Variants in ZFPL1 observed in about 807,000 individuals in gnomAD.
ZFPL1 encodes the protein zinc finger protein-like 1.
ZFPL1 carries 28 observed loss-of-function variants against 32.0 expected under a neutral mutation model. The ratio of observed to expected loss-of-function variants is 0.87; its 90% CI spans 0.65 to 1.20. ZFPL1 has a LOEUF of 1.20. Among genes scored for constraint, ZFPL1 ranks in the 50% most tolerant of loss-of-function variants. ZFPL1 has a pLI of 0.00. For missense variants in ZFPL1, 386 were observed against 424.8 expected (o/e 0.91, Z 0.80); for synonymous variants, 165 against 177.0 (o/e 0.93, Z 0.54).
chr11:65,084,292 A>C lies in ZFPL1; in HGVS notation c.-95A>C, dbSNP rs1361299690. Reference sequence around the variant, plus strand: ...GGAGAGGCGCAGGAGCCCTGGGGAGAGTGGTCCCTGCCCTTCCGCGCCTCG... The same window carrying C: ...GGAGAGGCGCAGGAGCCCTGGGGAGCGTGGTCCCTGCCCTTCCGCGCCTCG... On this transcript the variant is annotated 5_prime_UTR_variant, in exon 1 of 8. Coordinates refer to ENST00000294258, the MANE Select transcript of ZFPL1 (RefSeq NM_006782.4). The C allele has an allele frequency of 3.8e-6, 2 of 526,418 alleles. No homozygotes were observed. The highest frequency in any genetic ancestry group is 6.8e-6 in the Non-Finnish European group (2 of 295,896). 32.6% of individuals were successfully genotyped at this position (526,418 alleles called of 1,614,324 possible). A position where few individuals can be genotyped will look rare whatever the true frequency, so the allele number is the denominator to read the frequency against.
intron 7 of ZFPL1, 67 bp from the exon 8 acceptor site, chr11:65,087,861 G>T: frequency 6.8e-7 from 1 of 1,473,152 alleles, no homozygotes; most frequent in South Asian, 1.4e-5. Flanking sequence ...GGTGACCAGG[G>T]CTTCTCTCCA....
chr11:65,086,192 C>G, intron 3 of ZFPL1: 1 of 642,378 alleles, frequency 1.6e-6, no homozygotes, highest in South Asian at 1.8e-5. Context: ...TCTTCCTACC[C>G]AAACTTACCC....
intron 3 of ZFPL1, chr11:65,085,999 G>GCAGTAGC: frequency 5.1e-6 from 1 of 197,674 alleles, no homozygotes; most frequent in Non-Finnish European, 1.0e-5. Context: ...ACTTGTGTTT[G>GCAGTAGC]ATTATGTGCT....
chr11:65,086,491 C>T lies in ZFPL1; in HGVS notation c.291C>T (p.Cys97=), dbSNP rs1947680664. 6.2e-7 allele frequency: 1 copy of T among 1,613,910 alleles called. No homozygotes were observed. The highest frequency in any genetic ancestry group is 1.3e-5 in the African/African-American group (1 of 74,930). Residue 97 remains cysteine (C), a synonymous_variant, in exon 4 of 8, where the codon TGC becomes TGT. Transcript: ENST00000294258. ...ACACGGCACCTGCCGGCTATCAGTG[C>T]CCCAGCTGCAATGGCCCCATCTTCC... ...PRNTAPAGYQ[C]PSCNGPIFPP... is the part of the protein sequence containing the mutation.
At chr11:65,086,166 A>C (rs1947677474) in intron 3 of ZFPL1, 2 of 584,522 alleles carry the variant, frequency 3.4e-6, no homozygotes, top group South Asian at 3.9e-5. Context: ...AAGGACTGAA[A>C]GGGGAGGTGG....
Position 65,084,722 on chromosome 11 carries a change from G to C in ZFPL1, c.24G>C (p.Lys8Asn). The C allele has an allele frequency of 6.2e-7, 1 of 1,614,160 alleles. No individual in the cohort carries two copies. Residue 8 changes from lysine to asparagine, a missense_variant, in exon 2 of 8, where the codon AAG becomes AAC. By Grantham distance (94) the Lys-to-Asn change is moderately conservative (BLOSUM62 0). Transcript: ENST00000294258. ...TCATGGGGCTTTGTAAGTGCCCCAAGAGAAAGGTGACCAACCTGTTCTGCT... is the reference window on the plus strand; with the variant it reads ...TCATGGGGCTTTGTAAGTGCCCCAACAGAAAGGTGACCAACCTGTTCTGCT... Reference protein sequence around the residue: MGLCKCPKRKVTNLFCFE... With the variant: MGLCKCPNRKVTNLFCFE...
In ZFPL1 at chr11:65,085,250, G is replaced by A. The variant is rs199655230; in HGVS notation, c.214+24G>A. The A allele has an allele frequency of 2.1e-5, 34 of 1,607,432 alleles. No homozygotes were observed. In the African/African-American group the frequency reaches 3.3e-4, roughly 16 times the overall value. On this transcript the variant is annotated intron_variant, in intron 3 of 7. Coordinates refer to ENST00000294258, the MANE Select transcript of ZFPL1 (RefSeq NM_006782.4). ...TGGTGAGGCCTTGGCACCTCGGGGG[G>A]ATCAGGCCAGCCTCAGGGGCCAGCT...
chr11:65,088,047 C>A lies in ZFPL1; in HGVS notation c.866C>A (p.Ala289Asp). ...LLALMSRLGR[A>D]AADSDPNLDP... ...GCCCTCATGTCTCGCCTAGGCCGGG[C>A]CGCAGCTGACAGCGATCCCAACCTG... Residue 289 changes from alanine to aspartate, a missense_variant, in exon 8 of 8, where the codon GCC becomes GAC. By Grantham distance (126) the Ala-to-Asp change is moderately radical (BLOSUM62 -2). Transcript: ENST00000294258. 1 of 1,611,496 alleles carries A rather than the reference C, an allele frequency of 6.2e-7. No individual in the cohort carries two copies. The highest frequency in any genetic ancestry group is 2.2e-5 in the East Asian group (1 of 44,834).
chr11:65,086,440 T>G lies in ZFPL1; in HGVS notation c.240T>G (p.Asn80Lys), dbSNP rs2137165441. The change falls in exon 4 of 8, where the codon AAT becomes AAG. Residue 80 changes from asparagine (N) to lysine (K), a missense_variant. Physicochemically the swap from Asn to Lys is moderately conservative, Grantham distance 94 (BLOSUM62 0). Coordinates refer to ENST00000294258, the MANE Select transcript of ZFPL1 (RefSeq NM_006782.4). ...CYDLFHWACL[N>K]ERAAQLPRNT... ...ATCTCTTTCACTGGGCCTGCCTCAA[T>G]GAACGTGCTGCCCAGCTACCCCGAA... The G allele has an allele frequency of 1.9e-6, 3 of 1,614,144 alleles. No individual in the cohort carries two copies. The East Asian group carries it at 6.7e-5, about 36-fold the overall frequency.
rs747810577 is a variant in ZFPL1, at chr11:65,087,982, G to T, written c.801G>T (p.Leu267=). ...TGACCCTGCTCCAGCGGGCGGGGCTGCTGCTACTCTTGGGACTGCTGGGCT... is the reference window on the plus strand; with the variant it reads ...TGACCCTGCTCCAGCGGGCGGGGCTTCTGCTACTCTTGGGACTGCTGGGCT... ...RPLTLLQRAG[L]LLLLGLLGFL... The change falls in exon 8 of 8, where the codon CTG becomes CTT. Residue 267 remains leucine, a synonymous_variant. Coordinates refer to ENST00000294258, the MANE Select transcript of ZFPL1 (RefSeq NM_006782.4). The T allele has an allele frequency of 2.5e-6, 4 of 1,592,242 alleles. No individual in the cohort carries two copies. Among genetic ancestry groups the T allele is most frequent in the Non-Finnish European group, 3.4e-6 (4 of 1,175,186 alleles).
Position 65,087,880 on chromosome 11 carries a change from G to A in ZFPL1, c.747-48G>A, listed in dbSNP as rs756178459. The A allele has an allele frequency of 3.3e-6, 5 of 1,510,918 alleles. No homozygotes were observed. The South Asian group carries it at 6.6e-5, about 20-fold the overall frequency. The allele number at this position is 1,510,918 out of a possible 1,614,324, so 93.6% of individuals were successfully genotyped here. On this transcript the variant is annotated intron_variant, in intron 7 of 7. Transcript: ENST00000294258. ...ACCAGGGCTTCTCTCCAGCCGCGGG[G>A]GCCACCAGGGACTGGGGCCTGACCT... is the stretch of plus-strand genomic sequence containing the variant.
In ZFPL1 at chr11:65,087,920, C is replaced by T. The variant is rs550452281; in HGVS notation, c.747-8C>T. The T allele has an allele frequency of 2.6e-6, 4 of 1,549,440 alleles. No individual in the cohort carries two copies. The highest frequency in any genetic ancestry group is 4.4e-5 in the Admixed American group (2 of 45,904). On this transcript the variant is annotated splice_polypyrimidine_tract_variant and splice_region_variant and intron_variant, in intron 7 of 7. Coordinates refer to ENST00000294258, the MANE Select transcript of ZFPL1 (RefSeq NM_006782.4). ...GGGCCTGACCTGATTTTCCCCTCAT[C>T]CCCCCAGGAGCCGGGCTGGGTCTCG...
chr11:65,087,778 C>T (rs781015234), intron 7 of ZFPL1, 150 bp from the exon 8 acceptor site: 120 of 805,288 alleles, frequency 1.5e-4, no homozygotes, highest in Non-Finnish European at 2.2e-4. Context: ...TGCACAATAA[C>T]GCCCTATGGT....
chr11:65,088,110 C>T lies in ZFPL1; in HGVS notation c.929C>T (p.Ser310Phe), dbSNP rs777120955. The change falls in exon 8 of 8, where the codon TCC (serine) becomes TTC (phenylalanine). Residue 310 changes from serine to phenylalanine, a missense_variant. By Grantham distance (155) the Ser-to-Phe change is radical (BLOSUM62 -2). Coordinates refer to ENST00000294258, the MANE Select transcript of ZFPL1 (RefSeq NM_006782.4). ...AACCCTCACATCCGCGTGGGCCCCT[C>T]CTGAGCCCCCTTGCTTGTGGCTAGG... Reference protein sequence around the residue: ...LMNPHIRVGPS With the variant: ...LMNPHIRVGPF The T allele has an allele frequency of 3.1e-6, 5 of 1,606,272 alleles. No homozygotes were observed. The highest frequency in any genetic ancestry group is 1.1e-5 in the South Asian group (1 of 90,506).
At chr11:65,087,845 A>G in intron 7 of ZFPL1, 83 bp from the exon 8 acceptor site, 1 of 1,385,160 alleles carries the variant, frequency 7.2e-7, no homozygotes, top group Non-Finnish European at 9.7e-7. Flanking sequence ...AGGCTCAGGA[A>G]TGGGTGGTGA....
At chr11:65,084,501 T>TG in intron 1 of ZFPL1, 123 bp downstream of exon 1, 1 of 600,772 alleles carries the variant, frequency 1.7e-6, no homozygotes, top group Non-Finnish European at 2.9e-6. Flanking sequence ...CCAGAAGGAT[T>TG]GAGGGGTCGC....
chr11:65,087,141 G>A (rs1309887851), intron 6 of ZFPL1, 67 bp downstream of exon 6: 16 of 1,575,684 alleles, frequency 1.0e-5, no homozygotes, highest in Admixed American at 1.8e-5. Context: ...TATAGGGGGA[G>A]CTTGAGGATC....
chr11:65,086,554 G>A lies in ZFPL1; in HGVS notation c.354G>A (p.Leu118=), dbSNP rs752199951. 13 of 1,614,028 alleles carry A rather than the reference G, an allele frequency of 8.1e-6. No individual in the cohort carries two copies. In the East Asian group the frequency reaches 8.9e-5, roughly 11 times the overall value. The change falls in exon 4 of 8, where the codon CTG becomes CTA. Residue 118 remains leucine (L), a synonymous_variant. Transcript: ENST00000294258. ...TNLAGPVASA[L]REKLATVNWA... ...TGGCTGGCCCCGTGGCCTCCGCACT[G>A]AGAGAGAAGCTGGCCACAGTCAACT...
intron 6 of ZFPL1, 70 bp downstream of exon 6, chr11:65,087,144 T>G (rs1000057588): frequency 1.3e-6 from 2 of 1,574,110 alleles, no homozygotes; most frequent in Non-Finnish European, 1.7e-6. Context: ...AGGGGGAGCT[T>G]GAGGATCCAG....
Sources: gnomAD v4.1 joint callset for allele counts on GRCh38, gnomAD v4.1.1 for gene constraint, MANE v1.5 for transcripts, NCBI Gene and HGNC (gene_info 2026-07-23, HGNC 2026-07-21) for gene names.